The following AJAP1 variants were observed in gnomAD, a reference collection of about 807,000 sequenced individuals.
The protein encoded by AJAP1 is adherens junctions associated protein 1.
A neutral mutation model predicts 35.0 loss-of-function variants in AJAP1; 5 were observed. The ratio of observed to expected loss-of-function variants is 0.14; its 90% confidence interval spans 0.07 to 0.30. The LOEUF (loss-of-function observed/expected upper bound fraction) is 0.30. AJAP1 is among the 10% of genes least tolerant of loss of function. The pLI is 1.00. For synonymous variants in AJAP1, 284 were observed against 249.3 expected (o/e 1.14, Z -1.31); for missense variants, 586 against 571.0 (o/e 1.03, Z -0.27).
intron 2 of AJAP1, among the ~76,000 whole-genome samples, chr1:4,747,330 C>T (rs1641211545): frequency 6.6e-6 from 1 of 152,200 alleles, no homozygotes; most frequent in Non-Finnish European, 1.5e-5. Context: ...AATGCCATCC[C>T]CCCTCTCCAC....
rs1162497354 is a variant in AJAP1, at chr1:4,692,820, C to T, written c.30-19080C>T. ...CTGTGAACTCCCCATCTGGGTTCCT[C>T]TGTCTGTTGGCCCACGAACAGGCAT... On this transcript the variant is annotated intron_variant, in intron 1 of 5. Transcript: ENST00000378191. This position sits in a 1 kb window ranked among gnomAD's most constrained non-coding sequence, Gnocchi z 4.4. Among the ~76,000 whole-genome samples, 2 of 152,210 alleles carry T rather than the reference C, an allele frequency of 1.3e-5. No individual in the cohort carries two copies. Among genetic ancestry groups the T allele is most frequent in the African/African-American group, 2.4e-5 (1 of 41,454 alleles).
chr1:4,712,643 G>T lies in AJAP1; in HGVS notation c.773G>T (p.Ser258Ile), dbSNP rs768152046. 2 of 1,552,424 alleles carry T rather than the reference G, an allele frequency of 1.3e-6. No homozygotes were observed. Among genetic ancestry groups the T allele is most frequent in the Middle Eastern group, 1.7e-4 (1 of 5,806 alleles). Reference sequence around the variant, plus strand: ...GTTAGCACAACGGAGCCTTCCACCAGTCCCAGCAACAACGGGGAAGTCACC... The same window carrying T: ...GTTAGCACAACGGAGCCTTCCACCATTCCCAGCAACAACGGGGAAGTCACC... ...GGVSTTEPST[S>I]PSNNGEVTQP... Residue 258 changes from serine to isoleucine, a missense_variant, in exon 2 of 6, where the codon AGT becomes ATT. Ser to Ile is a moderately radical substitution (Grantham distance 142). Transcript: ENST00000378191.
chr1:4,754,743 G>A (rs970216231), intron 2 of AJAP1, among the ~76,000 whole-genome samples: 4 of 152,204 alleles, frequency 2.6e-5, no homozygotes, highest in Admixed American at 6.5e-5. Flanking sequence ...GGATTAAGAC[G>A]TTGCTGGGAC....
chr1:4,783,703 G>T lies in AJAP1; in HGVS notation c.*1218G>T, dbSNP rs532071517. On this transcript the variant is annotated 3_prime_UTR_variant, in exon 6 of 6. Coordinates refer to ENST00000378191, the MANE Select transcript of AJAP1 (RefSeq NM_018836.4). ...CGGGCCTGAGCCCCTGGTTGGGTGGGTGGTGGATTCTTGGACGTGTGTGTC... is the reference window on the plus strand; with the variant it reads ...CGGGCCTGAGCCCCTGGTTGGGTGGTTGGTGGATTCTTGGACGTGTGTGTC... 3 of 151,810 alleles carry T rather than the reference G, an allele frequency of 2.0e-5. No individual in the cohort carries two copies. In the South Asian group the frequency reaches 6.3e-4, roughly 32 times the overall value. The allele number at this position is 151,810 out of a possible 1,614,324, so 9.4% of individuals were successfully genotyped here.
At chr1:4,674,036 C>T (rs867984314) in intron 1 of AJAP1, among the ~76,000 whole-genome samples, 2 of 125,352 alleles carry the variant, frequency 1.6e-5, no homozygotes, top group Non-Finnish European at 3.3e-5. Context: ...TTATCCCCCC[C>T]GCCACCAAAA....
intron 1 of AJAP1, among the ~76,000 whole-genome samples, chr1:4,702,644 A>T (rs959537014): frequency 1.3e-5 from 2 of 152,136 alleles, no homozygotes; most frequent in African/African-American, 4.8e-5. Context: ...CGGTGAGGCC[A>T]GCGGGTGAGT....
intron 2 of AJAP1, among the ~76,000 whole-genome samples, chr1:4,748,948 G>A (rs1641259212): frequency 6.6e-6 from 1 of 152,076 alleles, no homozygotes; most frequent in Non-Finnish European, 1.5e-5. Context: ...CTAGAACTGT[G>A]AGAAATAAGT....
Position 4,783,326 on chromosome 1 carries a change from T to G in AJAP1, c.*841T>G, listed in dbSNP as rs948526649. 1 of 151,712 alleles carries G rather than the reference T, an allele frequency of 6.6e-6. No homozygotes were observed. The highest frequency in any genetic ancestry group is 1.5e-5 in the Non-Finnish European group (1 of 67,998). The allele number at this position is 151,712 out of a possible 1,614,324, so 9.4% of individuals were successfully genotyped here. A position where few individuals can be genotyped will look rare whatever the true frequency, so the allele number is the denominator to read the frequency against. On this transcript the variant is annotated 3_prime_UTR_variant, in exon 6 of 6. Transcript: ENST00000378191. ...CTGGTGACCTGGTATTCCATCACCATTCACCCCAGGGGACAGCCTCGACCG... is the reference window on the plus strand; with the variant it reads ...CTGGTGACCTGGTATTCCATCACCAGTCACCCCAGGGGACAGCCTCGACCG...
At chr1:4,658,973 A>T (rs995885888) in intron 1 of AJAP1, among the ~76,000 whole-genome samples, 3 of 152,190 alleles carry the variant, frequency 2.0e-5, no homozygotes, top group African/African-American at 7.2e-5. Flanking sequence ...CCACAGCGCC[A>T]GTCCCTCTGA....
chr1:4,754,787 T>C (rs1265574723), intron 2 of AJAP1, among the ~76,000 whole-genome samples: 1 of 152,228 alleles, frequency 6.6e-6, no homozygotes, highest in Non-Finnish European at 1.5e-5. Context: ...CGTTTTCCTA[T>C]GGCTTCCTTA....
chr1:4,660,802 G>A (rs985301350), intron 1 of AJAP1, among the ~76,000 whole-genome samples: 6 of 152,136 alleles, frequency 3.9e-5, no homozygotes, highest in Admixed American at 3.3e-4. Flanking sequence ...GCATATGAAC[G>A]TGCAGTGTTG....
chr1:4,667,797 G>T (rs571557667), intron 1 of AJAP1, among the ~76,000 whole-genome samples: 2 of 152,288 alleles, frequency 1.3e-5, no homozygotes, highest in African/African-American at 4.8e-5. Flanking sequence ...CCAAGCTGTG[G>T]GTCTGAATTT....
At chr1:4,668,570 A>C in intron 1 of AJAP1, among the ~76,000 whole-genome samples, 1 of 152,222 alleles carries the variant, frequency 6.6e-6, no homozygotes, top group East Asian at 1.9e-4. Context: ...AGCAGGAGTA[A>C]GCAACTTTCC....
chr1:4,665,752 A>G (rs1462143070), intron 1 of AJAP1, among the ~76,000 whole-genome samples: 1 of 152,190 alleles, frequency 6.6e-6, no homozygotes, highest in Admixed American at 6.5e-5. Flanking sequence ...GCAGACACGG[A>G]TGAGTGGCCA....
At chr1:4,705,904 C>T (rs775601305) in intron 1 of AJAP1, among the ~76,000 whole-genome samples, 62 of 152,224 alleles carry the variant, frequency 4.1e-4, no homozygotes, top group Middle Eastern at 3.4e-3. Context: ...GTCCAAGCCA[C>T]GTGTGTAGTT....
intron 5 of AJAP1, among the ~76,000 whole-genome samples, chr1:4,779,758 G>A (rs193017276): frequency 1.5e-4 from 23 of 152,262 alleles, no homozygotes; most frequent in African/African-American, 5.1e-4. Flanking sequence ...GGGACCCAGT[G>A]TAGGGTCTCG....
chr1:4,760,985 T>G (rs1641551347), intron 2 of AJAP1, among the ~76,000 whole-genome samples: 1 of 152,242 alleles, frequency 6.6e-6, no homozygotes, highest in African/African-American at 2.4e-5. Context: ...AAATGTGCAT[T>G]GAGATCATGG....
intron 5 of AJAP1, among the ~76,000 whole-genome samples, chr1:4,776,987 A>G (rs1641953768): frequency 6.6e-6 from 1 of 152,232 alleles, no homozygotes; most frequent in African/African-American, 2.4e-5. Context: ...GCTGTGGACC[A>G]GGAGGGCTAT....
At chr1:4,663,120 G>T (rs1570082173) in intron 1 of AJAP1, among the ~76,000 whole-genome samples, 1 of 152,128 alleles carries the variant, frequency 6.6e-6, no homozygotes, top group Non-Finnish European at 1.5e-5. Context: ...GGGCTGAAGG[G>T]CATCATTTTG....
Sources: allele counts gnomAD v4.1 joint callset (sites outside exome capture counted in the v4.1 genomes callset), GRCh38; gene constraint gnomAD v4.1.1; non-coding constraint Gnocchi (gnomAD v3.1); transcripts MANE v1.5; gene names NCBI Gene and HGNC (gene_info 2026-07-23, HGNC 2026-07-21).